Variants in MROH1 observed in about 807,000 individuals in gnomAD.
MROH1 encodes the protein maestro heat-like repeat-containing protein family member 1.
MROH1 carries 117 observed loss-of-function variants against 116.5 expected under a neutral mutation model. That is an observed-to-expected ratio of 1.00 (90% CI 0.86 to 1.17). MROH1 has a LOEUF of 1.17. MROH1 is among the 50% of genes most tolerant of loss of function. The pLI is 0.00. For missense variants in MROH1, 1,873 were observed against 1,338.5 expected, an observed-to-expected ratio of 1.40 and a Z score of -6.23; for synonymous variants, 921 against 583.9, an observed-to-expected ratio of 1.58 and a Z score of -8.32.
Position 144,221,961 on chromosome 8 carries a change from G to A in MROH1, c.1216-1147G>A, listed in dbSNP as rs138483172. 2.2e-3 allele frequency among the ~76,000 whole-genome samples: 328 copies of A among 151,492 alleles called. 1 individual carries two copies. Among genetic ancestry groups the A allele is most frequent in the African/African-American group, 7.2e-3 (299 of 41,474 alleles). On this transcript the variant is annotated intron_variant, in intron 13 of 43. Transcript: ENST00000326134. ...ATGGCTCAGGGGAAGGGCTGGTTGC[G>A]CCACATTGGCCTGGCTGTGCCTCCG...
chr8:144,227,368 G>T (rs1256780112), intron 14 of MROH1, among the ~76,000 whole-genome samples: 3 of 152,224 alleles, frequency 2.0e-5, no homozygotes, highest in Admixed American at 2.0e-4. Context: ...GGGCGCAGTG[G>T]CTCATGCCTG....
intron 4 of MROH1, among the ~76,000 whole-genome samples, chr8:144,172,228 A>G (rs1822624736): frequency 1.3e-5 from 2 of 152,118 alleles, no homozygotes; most frequent in East Asian, 3.9e-4. Context: ...TCCAGAAGAG[A>G]TTTAACTAAG....
intron 14 of MROH1, among the ~76,000 whole-genome samples, chr8:144,234,498 G>GTTTTTTTTTTCTTTTTTTTTTTT (rs1839631190): frequency 5.5e-5 from 1 of 18,090 alleles, no homozygotes; most frequent in Non-Finnish European, 1.2e-4. Context: ...TTTCTTTTTC[G>GTTTTTTTTTTCTTTTTTTTTTTT]TTTTTTTTTT....
In MROH1 at chr8:144,247,112, G is replaced by A. The variant is rs955662294; in HGVS notation, c.2872-189G>A. 4.0e-3 allele frequency among the ~76,000 whole-genome samples: 610 copies of A among 152,200 alleles called. 2 individuals carry two copies. Among genetic ancestry groups the A allele is most frequent in the African/African-American group, 0.014 (584 of 41,542 alleles). On this transcript the variant is annotated intron_variant, in intron 29 of 43. Coordinates refer to ENST00000326134, the MANE Select transcript of MROH1 (RefSeq NM_032450.3). Reference sequence around the variant, plus strand: ...GGTGTGGTCAGAGCTGAGCTGAGCAGCGCCCACGCTGCAGCAGGAGGGGAG... The same window carrying A: ...GGTGTGGTCAGAGCTGAGCTGAGCAACGCCCACGCTGCAGCAGGAGGGGAG...
At position 144,163,895 on chromosome 8, in the gene MROH1, C is replaced by G. The variant is rs1318838515; in HGVS notation, c.22+47C>G. 6.2e-7 allele frequency: 1 copy of G among 1,609,296 alleles called. No homozygotes were observed. On this transcript the variant is annotated intron_variant, in intron 3 of 43. Transcript: ENST00000326134. This position sits in a 1 kb window ranked among gnomAD's most constrained non-coding sequence, Gnocchi z 4.4. Reference sequence around the variant, plus strand: ...GTGGCCGGGTGTGAGGCCTCTCTTGCCTCTGGGTGGTCAGGGCAGGCCAAG... The same window carrying G: ...GTGGCCGGGTGTGAGGCCTCTCTTGGCTCTGGGTGGTCAGGGCAGGCCAAG...
Position 144,163,905 on chromosome 8 carries a change from G to A in MROH1, c.22+57G>A. ...GTGAGGCCTCTCTTGCCTCTGGGTGGTCAGGGCAGGCCAAGGCTCTTACCA... is the reference window on the plus strand; with the variant it reads ...GTGAGGCCTCTCTTGCCTCTGGGTGATCAGGGCAGGCCAAGGCTCTTACCA... On this transcript the variant is annotated intron_variant, in intron 3 of 43. Transcript: ENST00000326134. This position sits in a 1 kb window ranked among gnomAD's most constrained non-coding sequence, Gnocchi z 4.4. The A allele has an allele frequency of 1.9e-6, 3 of 1,596,732 alleles. No homozygotes were observed. Among genetic ancestry groups the A allele is most frequent in the Admixed American group, 1.7e-5 (1 of 59,582 alleles).
intron 14 of MROH1, among the ~76,000 whole-genome samples, chr8:144,225,338 A>G (rs1445395277): frequency 2.0e-5 from 3 of 152,086 alleles, no homozygotes; most frequent in African/African-American, 7.2e-5. Context: ...CTTTTAATAC[A>G]TATTGTTTTG....
At chr8:144,255,128 G>A (rs936921592) in intron 34 of MROH1, 150 bp downstream of exon 34, 35 of 604,578 alleles carry the variant, frequency 5.8e-5, no homozygotes, top group South Asian at 3.3e-4. Context: ...GCTCAGGCTC[G>A]TAAAGGCCTC....
At chr8:144,151,247 CAAAAAAAAAA>C (rs1160118892) in intron 1 of MROH1, among the ~76,000 whole-genome samples, 2 of 22,966 alleles carry the variant, frequency 8.7e-5, no homozygotes, top group African/African-American at 1.3e-4. Flanking sequence ...TATTCTGTCT[CAAAAAAAAAA>C]AAAAAAAAAA....
chr8:144,240,816 G>A, intron 20 of MROH1, 139 bp downstream of exon 20: 1 of 679,180 alleles, frequency 1.5e-6, no homozygotes, highest in Non-Finnish European at 2.7e-6. Flanking sequence ...CTGAGGGCCA[G>A]GAGTGCGAGA....
At chr8:144,259,887 A>G in intron 37 of MROH1, 24 bp from the exon 38 acceptor site, 2 of 727,098 alleles carry the variant, frequency 2.8e-6, no homozygotes, top group Non-Finnish European at 5.1e-6. Context: ...GGGGAGAGGG[A>G]AGTCACAGCA....
Position 144,180,117 on chromosome 8 carries a change from G to T in MROH1, c.301-61G>T. Reference sequence around the variant, plus strand: ...CGTGCGCTTGTCCAAGGCTGGCAGCGACTGAGGGCAGAATGTCTTGGTCTT... The same window carrying T: ...CGTGCGCTTGTCCAAGGCTGGCAGCTACTGAGGGCAGAATGTCTTGGTCTT... On this transcript the variant is annotated intron_variant, in intron 5 of 43. Transcript: ENST00000326134. This position sits in a 1 kb window ranked among gnomAD's most constrained non-coding sequence, Gnocchi z 7.4. 2 of 1,595,230 alleles carry T rather than the reference G, an allele frequency of 1.3e-6. No individual in the cohort carries two copies. Among genetic ancestry groups the T allele is most frequent in the South Asian group, 2.2e-5 (2 of 89,536 alleles).
At position 144,161,056 on chromosome 8, in the gene MROH1, T is replaced by G. The variant is rs1427137792; in HGVS notation, c.-90T>G. The G allele has an allele frequency of 6.5e-6, 1 of 152,744 alleles. No individual in the cohort carries two copies. Among genetic ancestry groups the G allele is most frequent in the African/African-American group, 2.4e-5 (1 of 41,446 alleles). The allele number at this position is 152,744 out of a possible 1,614,324, so 9.5% of individuals were successfully genotyped here. Reference sequence around the variant, plus strand: ...CACCTGCATTCCTTGTCTCAGAGCCTCCCTCCTGCATCCTCCAAGCCAGCA... The same window carrying G: ...CACCTGCATTCCTTGTCTCAGAGCCGCCCTCCTGCATCCTCCAAGCCAGCA... On this transcript the variant is annotated 5_prime_UTR_variant, in exon 2 of 44. Transcript: ENST00000326134.
At chr8:144,172,339 C>T (rs1822663662) in intron 4 of MROH1, among the ~76,000 whole-genome samples, 1 of 152,162 alleles carries the variant, frequency 6.6e-6, no homozygotes, top group South Asian at 2.1e-4. Context: ...CCTTGGCTTT[C>T]ACAAGCCCCT....
At position 144,163,061 on chromosome 8, in the gene MROH1, G is replaced by T. The variant is rs565853588; in HGVS notation, c.-56-710G>T. Among the ~76,000 whole-genome samples, 1 of 152,324 alleles carries T rather than the reference G, an allele frequency of 6.6e-6. No homozygotes were observed. The highest frequency in any genetic ancestry group is 2.4e-5 in the African/African-American group (1 of 41,576). ...TTCTTACTTCGCCTCCAACCCATGT[G>T]TGCACAGCGCAGGGAGGTGTCCTGG... On this transcript the variant is annotated intron_variant, in intron 2 of 43. Transcript: ENST00000326134. This position sits in a 1 kb window ranked among gnomAD's most constrained non-coding sequence, Gnocchi z 4.4.
At chr8:144,153,733 A>G (rs1320943450) in intron 1 of MROH1, among the ~76,000 whole-genome samples, 1 of 152,114 alleles carries the variant, frequency 6.6e-6, no homozygotes, top group African/African-American at 2.4e-5. Context: ...ACTCAGGATC[A>G]TTGGATGATA....
In MROH1 at chr8:144,192,417, C is replaced by T; in HGVS notation, c.948+16C>T. The T allele has an allele frequency of 1.9e-6, 3 of 1,568,524 alleles. No homozygotes were observed. Among genetic ancestry groups the T allele is most frequent in the South Asian group, 2.3e-5 (2 of 86,106 alleles). ...GCACTCCCAGGTAGGAGGCGGGCGT[C>T]AGGGGGCGGGTCCAGGTTCTGCACA... On this transcript the variant is annotated intron_variant, in intron 10 of 43. Coordinates refer to ENST00000326134, the MANE Select transcript of MROH1 (RefSeq NM_032450.3).
chr8:144,208,784 C>T (rs1045671267), intron 12 of MROH1, among the ~76,000 whole-genome samples: 8 of 151,822 alleles, frequency 5.3e-5, no homozygotes, highest in Middle Eastern at 6.8e-3. Context: ...AGTACAGTGG[C>T]GCGACCTTGG....
intron 37 of MROH1, among the ~76,000 whole-genome samples, 191 bp downstream of exon 37, chr8:144,259,545 C>T (rs1433090936): frequency 2.0e-4 from 31 of 152,210 alleles, no homozygotes; most frequent in Non-Finnish European, 8.8e-5. Flanking sequence ...CCCCTCTGTG[C>T]CTGGTGAGAG....
Sources: allele counts gnomAD v4.1 joint callset (sites outside exome capture counted in the v4.1 genomes callset), GRCh38; gene constraint gnomAD v4.1.1; non-coding constraint Gnocchi (gnomAD v3.1); transcripts MANE v1.5; gene names NCBI Gene and HGNC (gene_info 2026-07-23, HGNC 2026-07-21).